FAM120B: variants seen among roughly 807,000 people sequenced by gnomAD.
FAM120B encodes the protein constitutive coactivator of peroxisome proliferator-activated receptor gamma.
FAM120B carries 83 observed loss-of-function variants against 96.3 expected under a neutral mutation model. The ratio of observed to expected loss-of-function variants is 0.86; its 90% CI spans 0.72 to 1.03. The LOEUF (loss-of-function observed/expected upper bound fraction) is 1.03, where lower values mean the gene tolerates loss of function less well. Among genes scored for constraint, FAM120B ranks in the 50% least tolerant of loss-of-function variants. The pLI, the probability that FAM120B is intolerant of heterozygous loss-of-function variation, is 0.00. For synonymous variants in FAM120B, 407 were observed against 402.7 expected (o/e 1.01, Z -0.13); for missense variants, 1,027 against 1,121.2 (o/e 0.92, Z 1.20).
intron 6 of FAM120B, among the ~76,000 whole-genome samples, chr6:170,374,241 G>T (rs556874829): frequency 5.3e-5 from 8 of 152,292 alleles, no homozygotes; most frequent in Admixed American, 5.2e-4. Flanking sequence ...TGGTTGTTTT[G>T]CCCATTTTGG....
intron 4 of FAM120B, among the ~76,000 whole-genome samples, chr6:170,335,463 G>A (rs1040496956): frequency 6.6e-6 from 1 of 152,052 alleles, no homozygotes; most frequent in Non-Finnish European, 1.5e-5. Flanking sequence ...ATCATTGATG[G>A]GCATTTGGAT....
rs144030766 is a variant in FAM120B, at chr6:170,340,413, G to A, written c.2018-7738G>A. 1.6e-4 allele frequency among the ~76,000 whole-genome samples: 25 copies of A among 152,262 alleles called. 1 individual carries two copies. The East Asian group carries it at 4.8e-3, about 29-fold the overall frequency. On this transcript the variant is annotated intron_variant, in intron 4 of 10. Transcript: ENST00000476287. ...CTGTAAGTGTTTATCAAGGTTCTTAGCTTCCTTGCATTGGGTTAGAACATG... is the reference window on the plus strand; with the variant it reads ...CTGTAAGTGTTTATCAAGGTTCTTAACTTCCTTGCATTGGGTTAGAACATG...
At chr6:170,397,946 G>A (rs1248956006) in intron 9 of FAM120B, among the ~76,000 whole-genome samples, 3 of 151,782 alleles carry the variant, frequency 2.0e-5, no homozygotes, top group Non-Finnish European at 4.4e-5. Context: ...TCCTAGCCTC[G>A]TGGTAAGAAA....
intron 3 of FAM120B, among the ~76,000 whole-genome samples, chr6:170,327,294 C>T (rs555664318): frequency 2.7e-4 from 41 of 152,290 alleles, no homozygotes; most frequent in African/African-American, 9.6e-4. Flanking sequence ...GATCCGCCCA[C>T]CTCGGCCTCC....
chr6:170,400,350 C>T (rs1339276768), intron 9 of FAM120B, among the ~76,000 whole-genome samples: 3 of 152,208 alleles, frequency 2.0e-5, no homozygotes, highest in Admixed American at 2.0e-4. Flanking sequence ...CATGCCCCAT[C>T]CTGCCCTGAT....
At chr6:170,398,318 G>C (rs1440199809) in intron 9 of FAM120B, among the ~76,000 whole-genome samples, 1 of 152,262 alleles carries the variant, frequency 6.6e-6, no homozygotes, top group Non-Finnish European at 1.5e-5. Flanking sequence ...GAGTCAATAA[G>C]GAAGGTAGAA....
At chr6:170,346,959 G>A (rs1348980521) in intron 4 of FAM120B, among the ~76,000 whole-genome samples, 2 of 152,062 alleles carry the variant, frequency 1.3e-5, no homozygotes, top group Non-Finnish European at 2.9e-5. Flanking sequence ...ATTTTCTTAA[G>A]AGAAAAATAT....
chr6:170,294,622 CTAA>C (rs750071052), upstream of FAM120B, among the ~76,000 whole-genome samples: 1 of 152,164 alleles, frequency 6.6e-6, no homozygotes, highest in Non-Finnish European at 1.5e-5. This position sits in a 1 kb window ranked among gnomAD's most constrained non-coding sequence, Gnocchi z 7.9. Context: ...TGTGCATGAC[CTAA>C]TACCATGGTC....
intron 6 of FAM120B, among the ~76,000 whole-genome samples, chr6:170,377,137 G>A (rs1789586682): frequency 8.9e-6 from 1 of 112,992 alleles, no homozygotes; most frequent in African/African-American, 3.9e-5. Flanking sequence ...GGAGAACACA[G>A]GCTCACGCTG....
chr6:170,337,533 T>C (rs1786522136), intron 4 of FAM120B, among the ~76,000 whole-genome samples: 1 of 152,212 alleles, frequency 6.6e-6, no homozygotes, highest in African/African-American at 2.4e-5. Context: ...ATCAGGATGA[T>C]GCTGACCTCA....
At chr6:170,346,607 G>A (rs909633876) in intron 4 of FAM120B, among the ~76,000 whole-genome samples, 4 of 152,260 alleles carry the variant, frequency 2.6e-5, no homozygotes, top group South Asian at 2.1e-4. Context: ...GGAAGGAACC[G>A]TGGACGATAC....
At chr6:170,384,636 C>T (rs1790091337) in intron 6 of FAM120B, among the ~76,000 whole-genome samples, 1 of 152,170 alleles carries the variant, frequency 6.6e-6, no homozygotes, top group Admixed American at 6.5e-5. Context: ...CCAGATGCAT[C>T]AGATGAAAAC....
chr6:170,389,289 G>A (rs954900567), intron 7 of FAM120B, among the ~76,000 whole-genome samples: 1 of 152,114 alleles, frequency 6.6e-6, no homozygotes, highest in Non-Finnish European at 1.5e-5. Context: ...TATTAATGAC[G>A]TGCATGGAAC....
intron 3 of FAM120B, among the ~76,000 whole-genome samples, chr6:170,328,590 G>A (rs536982452): frequency 6.6e-6 from 1 of 151,910 alleles, no homozygotes; most frequent in African/African-American, 2.4e-5. Context: ...CCTGTTTGCT[G>A]GATTTTGAGT....
intron 6 of FAM120B, among the ~76,000 whole-genome samples, chr6:170,384,907 C>T (rs1445635599): frequency 6.6e-6 from 1 of 152,216 alleles, no homozygotes; most frequent in Non-Finnish European, 1.5e-5. Context: ...TTTAACAAAG[C>T]CTCTCTCAAG....
At chr6:170,380,981 T>C (rs903831340) in intron 6 of FAM120B, among the ~76,000 whole-genome samples, 1 of 152,224 alleles carries the variant, frequency 6.6e-6, no homozygotes, top group African/African-American at 2.4e-5. Flanking sequence ...TAATTTGGAC[T>C]CACTTTCTGG....
intron 4 of FAM120B, chr6:170,330,855 T>C (rs1289737571): frequency 3.1e-6 from 1 of 319,006 alleles, no homozygotes; most frequent in Non-Finnish European, 5.8e-6. Context: ...GGTCAGCGCA[T>C]GTTGCTGCCG....
At chr6:170,368,279 C>T (rs982661779) in intron 6 of FAM120B, among the ~76,000 whole-genome samples, 4 of 152,222 alleles carry the variant, frequency 2.6e-5, no homozygotes, top group African/African-American at 9.7e-5. Flanking sequence ...CCACCATGCA[C>T]TCCCTTTACT....
chr6:170,319,394 T>C (rs113231631), intron 2 of FAM120B, among the ~76,000 whole-genome samples: 20,346 of 151,978 alleles, frequency 0.13, 1,500 homozygotes, highest in East Asian at 0.31. Flanking sequence ...AGGCCGGGCG[T>C]GGTGGCTCAT....
Sources: allele counts gnomAD v4.1 joint callset (sites outside exome capture counted in the v4.1 genomes callset), GRCh38; gene constraint gnomAD v4.1.1; non-coding constraint Gnocchi (gnomAD v3.1); transcripts MANE v1.5; gene names NCBI Gene and HGNC (gene_info 2026-07-23, HGNC 2026-07-21).